Variants in TNXB observed in about 807,000 individuals in gnomAD.
TNXB encodes tenascin XB.
A neutral mutation model predicts 340.5 loss-of-function variants in TNXB; 183 were observed. That is an observed-to-expected ratio of 0.54 (90% confidence interval 0.48 to 0.61). The LOEUF is 0.61. Among genes scored for constraint, TNXB ranks in the 20% least tolerant of loss-of-function variants. The pLI is 0.00. For missense variants in TNXB, 4,613 were observed against 5,446.4 expected (o/e 0.85, Z 4.82); for synonymous variants, 2,121 against 2,314.5 (o/e 0.92, Z 2.40).
chr6:32,093,075 G>A, intron 4 of TNXB: 1 of 406,194 alleles, frequency 2.5e-6, no homozygotes. Context: ...GGAGACAACT[G>A]CTGCCCTAAA....
intron 1 of TNXB, among the ~76,000 whole-genome samples, chr6:32,107,397 C>T (rs1781036761): frequency 6.6e-6 from 1 of 152,160 alleles, no homozygotes. Context: ...CCTTCCCAAT[C>T]TCCCTCCCTG....
intron 1 of TNXB, among the ~76,000 whole-genome samples, chr6:32,100,637 G>T (rs1780668460): frequency 6.6e-6 from 1 of 151,544 alleles, no homozygotes. Context: ...GAGGTGGGAG[G>T]ATTACTTGAG....
chr6:32,068,287 G>T lies in TNXB; in HGVS notation c.6220+103C>A. On this transcript the variant is annotated intron_variant, in intron 17 of 43. Transcript: ENST00000644971. The surrounding 1 kb of genome is among the most constrained non-coding windows in gnomAD (Gnocchi z 5.3). ...CAGCCCCAGCCACAAGCAGGTCTGT[G>T]GTGCTGACCAGACCCTTGTCCCATT... 6.8e-7 allele frequency: 1 copy of T among 1,468,708 alleles called. No homozygotes were observed. 91.0% of individuals were successfully genotyped at this position (1,468,708 alleles called of 1,614,324 possible). A position where few individuals can be genotyped will look rare whatever the true frequency, so the allele number is the denominator to read the frequency against.
rs1253987016 is a variant in TNXB, at chr6:32,088,804, A to G, written c.2760T>C (p.Ala920=). The G allele has an allele frequency of 6.3e-7, 1 of 1,575,888 alleles. No homozygotes were observed. The highest frequency in any genetic ancestry group is 1.8e-5 in the Admixed American group (1 of 54,724). The change falls in exon 6 of 44, where the codon GCT becomes GCC. Residue 920 remains alanine, a synonymous_variant. Transcript: ENST00000644971. ...AERGRAVSYP[A]SVRANTGSSP... Reference sequence around the variant, plus strand: ...CCATACCTGTGTTGGCCCTGACAGAAGCTGGGTAGCTGACTGCCCGGCCCC... The same window carrying G: ...CCATACCTGTGTTGGCCCTGACAGAGGCTGGGTAGCTGACTGCCCGGCCCC...
In TNXB at chr6:32,072,065, G is replaced by C. The variant is rs780301586; in HGVS notation, c.4915C>G (p.Arg1639Gly). 1.2e-6 allele frequency: 2 copies of C among 1,612,734 alleles called. No individual in the cohort carries two copies. The highest frequency in any genetic ancestry group is 1.7e-6 in the Non-Finnish European group (2 of 1,179,390). ...CCAAAGAGCAGGAACTTGTACTTGC[G>C]GGAGGGTTCCAGGTCAGGGATAGTG... is the stretch of plus-strand genomic sequence containing the variant. Reference protein sequence around the residue: ...EVTIPDLEPSRKYKFLLFGIQ... With the variant: ...EVTIPDLEPSGKYKFLLFGIQ... The change falls in exon 13 of 44, where the codon CGC (arginine) becomes GGC (glycine). Residue 1639 changes from arginine (R) to glycine (G), a missense_variant. Physicochemically the swap from Arg to Gly is moderately radical, Grantham distance 125 (BLOSUM62 -2). This residue lies in a region of TNXB where 4,327 missense variants were observed against 4,859.4 expected (regional missense o/e 0.89). Transcript: ENST00000644971. The surrounding 1 kb of genome is among the most constrained non-coding windows in gnomAD (Gnocchi z 4.4).
intron 13 of TNXB, among the ~76,000 whole-genome samples, chr6:32,071,125 A>G (rs1455732822): frequency 1.3e-5 from 2 of 152,082 alleles, no homozygotes; most frequent in Non-Finnish European, 2.9e-5. Context: ...TTGTTATTGC[A>G]AGTTTTCTGG....
chr6:32,067,138 A>AGAAAGAAAGAAAGAAAG lies in TNXB; in HGVS notation c.6544+506_6544+522dup, dbSNP rs1778405363. Among the ~76,000 whole-genome samples the AGAAAGAAAGAAAGAAAG allele has an allele frequency of 1.7e-5, 2 of 115,938 alleles. No homozygotes were observed. Among genetic ancestry groups the AGAAAGAAAGAAAGAAAG allele is most frequent in the East Asian group, 2.8e-4 (1 of 3,582 alleles). The allele number at this position is 115,938 out of a possible 152,430, so 76.1% of individuals were successfully genotyped here. A position where few individuals can be genotyped will look rare whatever the true frequency, so the allele number is the denominator to read the frequency against. On this transcript the variant is annotated intron_variant, in intron 18 of 43. Coordinates refer to ENST00000644971, the MANE Select transcript of TNXB (RefSeq NM_001365276.2). The surrounding 1 kb of genome is among the most constrained non-coding windows in gnomAD (Gnocchi z 4.2). Reference sequence around the variant, plus strand: ...GAGAAAGAAAGAAAGGAAGGAAGAAAGAAAGAAAGAAAGAAAGAAAGAAAG... The same window carrying AGAAAGAAAGAAAGAAAG: ...GAGAAAGAAAGAAAGGAAGGAAGAAAGAAAGAAAGAAAGAAAGGAAAGAAAGAAAGAAAGAAAGAAAG...
At chr6:32,100,748 A>G (rs1007077380) in intron 1 of TNXB, among the ~76,000 whole-genome samples, 6 of 152,000 alleles carry the variant, frequency 3.9e-5, no homozygotes, top group Admixed American at 2.6e-4. Context: ...AAAGAAAAAA[A>G]CAAAACAAAA....
Position 32,096,930 on chromosome 6 carries a change from A to G in TNXB, c.923T>C (p.Val308Ala), listed in dbSNP as rs766555918. Residue 308 changes from valine to alanine, a missense_variant, in exon 3 of 44, where the codon GTG (valine) becomes GCG (alanine). This residue lies in a region of TNXB where 4,327 missense variants were observed against 4,859.4 expected (regional missense o/e 0.89). Coordinates refer to ENST00000644971, the MANE Select transcript of TNXB (RefSeq NM_001365276.2). Reference sequence around the variant, plus strand: ...GCTGCAGCCCCGAGGGCAGCTCCTCACCCCACAGTCCTCGCCAGTGTAGCC... The same window carrying G: ...GCTGCAGCCCCGAGGGCAGCTCCTCGCCCCACAGTCCTCGCCAGTGTAGCC... ...NPGYTGEDCG[V>A]RSCPRGCSQR... The G allele has an allele frequency of 6.4e-7, 1 of 1,565,194 alleles. No individual in the cohort carries two copies. The highest frequency in any genetic ancestry group is 1.1e-5 in the South Asian group (1 of 90,080).
chr6:32,097,754 C>A lies in TNXB; in HGVS notation c.403+42G>T. On this transcript the variant is annotated intron_variant, in intron 2 of 43. Transcript: ENST00000644971. The surrounding 1 kb of genome is among the most constrained non-coding windows in gnomAD (Gnocchi z 5.9). Reference sequence around the variant, plus strand: ...ACCTTTATGGACTAGCAATGCCCACCCCACCCCACCTCTCCACCCTCTTCT... The same window carrying A: ...ACCTTTATGGACTAGCAATGCCCACACCACCCCACCTCTCCACCCTCTTCT... The A allele has an allele frequency of 2.7e-6, 4 of 1,493,010 alleles. No individual in the cohort carries two copies. The South Asian group carries it at 4.3e-5, about 16-fold the overall frequency. 92.5% of individuals were successfully genotyped at this position (1,493,010 alleles called of 1,614,324 possible).
chr6:32,063,924 T>C (rs1160949354), intron 19 of TNXB, among the ~76,000 whole-genome samples: 1 of 152,224 alleles, frequency 6.6e-6, no homozygotes, highest in Non-Finnish European at 1.5e-5. Flanking sequence ...AGTAATAGTA[T>C]CCATGTTAAC....
rs772658593 is a variant in TNXB, at chr6:32,096,641, G to A, written c.1212C>T (p.Cys404=). The A allele has an allele frequency of 1.8e-5, 27 of 1,542,590 alleles. No homozygotes were observed. The highest frequency in any genetic ancestry group is 2.1e-5 in the Non-Finnish European group (24 of 1,149,084). Reference sequence around the variant, plus strand: ...GGCCCCTTTGGTTGCAGTCGCCAGGGCAGCTGCGCACGCCGCAGTCGTCCC... The same window carrying A: ...GGCCCCTTTGGTTGCAGTCGCCAGGACAGCTGCGCACGCCGCAGTCGTCCC... ...YSGDDCGVRS[C]PGDCNQRGRC... Residue 404 remains cysteine (C), a synonymous_variant, in exon 3 of 44, where the codon TGC becomes TGT. Transcript: ENST00000644971.
chr6:32,057,214 T>C (rs1322473242), intron 22 of TNXB, among the ~76,000 whole-genome samples: 2 of 151,824 alleles, frequency 1.3e-5, no homozygotes, highest in African/African-American at 4.8e-5. Flanking sequence ...AGCACTGGGG[T>C]CTCTTCGCCA....
At position 32,067,843 on chromosome 6, in the gene TNXB, C is replaced by T. The variant is rs778533848; in HGVS notation, c.6362G>A (p.Arg2121His). ...GTACTGCACGGTGAAGGAGTCGAAG[C>T]GGCCCTGGGGGACGGTCCAGGAGAG... ...LSLSWTVPQG[R>H]FDSFTVQYKD... Residue 2121 changes from arginine to histidine, a missense_variant, in exon 18 of 44, where the codon CGC (arginine) becomes CAC (histidine). Physicochemically the swap from Arg to His is conservative, Grantham distance 29. This residue lies in a region of TNXB where 4,327 missense variants were observed against 4,859.4 expected (regional missense o/e 0.89). Coordinates refer to ENST00000644971, the MANE Select transcript of TNXB (RefSeq NM_001365276.2). This position sits in a 1 kb window ranked among gnomAD's most constrained non-coding sequence, Gnocchi z 4.2. 4.2e-5 allele frequency: 67 copies of T among 1,612,856 alleles called. No individual in the cohort carries two copies. In the East Asian group the frequency reaches 1.2e-3, roughly 30 times the overall value.
chr6:32,066,663 A>G (rs1277725643), intron 18 of TNXB, among the ~76,000 whole-genome samples: 1 of 152,242 alleles, frequency 6.6e-6, no homozygotes, highest in East Asian at 1.9e-4. Flanking sequence ...AAGTTCTAAA[A>G]TTAGATCGTG....
rs1459539041 is a variant in TNXB at position 32,073,620 on chromosome 6, T to G, written c.4681+27A>C. 1 of 1,590,426 alleles carries G rather than the reference T, an allele frequency of 6.3e-7. No individual in the cohort carries two copies. On this transcript the variant is annotated intron_variant, in intron 12 of 43. Transcript: ENST00000644971. The surrounding 1 kb of genome is among the most constrained non-coding windows in gnomAD (Gnocchi z 4.6). ...TGGGGGAGCTCTGGGTAACCAGAGATGAGGACTGAGTCCCCCCATTACTCA... is the reference window on the plus strand; with the variant it reads ...TGGGGGAGCTCTGGGTAACCAGAGAGGAGGACTGAGTCCCCCCATTACTCA...
intron 21 of TNXB, among the ~76,000 whole-genome samples, chr6:32,060,473 A>C (rs1777942195): frequency 6.6e-6 from 1 of 152,022 alleles, no homozygotes; most frequent in Admixed American, 6.5e-5. Flanking sequence ...TTTGCCATTT[A>C]AGAAAATTTG....
rs1392594900 is a variant in TNXB, at chr6:32,049,113, G to GT, written c.9757+156dup. Among the ~76,000 whole-genome samples the GT allele has an allele frequency of 6.6e-6, 1 of 152,216 alleles. No homozygotes were observed. Among genetic ancestry groups the GT allele is most frequent in the African/African-American group, 2.4e-5 (1 of 41,458 alleles). ...CTACCTGCCCATCTGACTCCACACA[G>GT]TCTCCATGAATCCAAGGATGAGGCA... is the stretch of plus-strand genomic sequence containing the variant. On this transcript the variant is annotated intron_variant, in intron 28 of 43. Transcript: ENST00000644971. This position sits in a 1 kb window ranked among gnomAD's most constrained non-coding sequence, Gnocchi z 4.5.
Position 32,050,247 on chromosome 6 carries a change from C to A in TNXB, c.9190G>T (p.Gly3064Trp), listed in dbSNP as rs1244943633. The A allele has an allele frequency of 6.2e-7, 1 of 1,613,592 alleles. No homozygotes were observed. Among genetic ancestry groups the A allele is most frequent in the Non-Finnish European group, 8.5e-7 (1 of 1,179,854 alleles). The change falls in exon 27 of 44, where the codon GGG (glycine) becomes TGG (tryptophan). Residue 3064 changes from glycine to tryptophan, a missense_variant. By Grantham distance (184) the Gly-to-Trp change is radical (BLOSUM62 -2). Around this residue, in one of 7 missense-constraint regions of TNXB, gnomAD observed 4,327 missense variants for 4,859.4 expected, o/e 0.89. Coordinates refer to ENST00000644971, the MANE Select transcript of TNXB (RefSeq NM_001365276.2). ...GTGGCATCTGTCACGGTCAGCTCCC[C>A]CAGGCGAGGCTTGATGGGGGGCTCA... Reference protein sequence around the residue: ...TPEPPIKPRLGELTVTDATPD... With the variant: ...TPEPPIKPRLWELTVTDATPD...
Sources: allele counts gnomAD v4.1 joint callset (sites outside exome capture counted in the v4.1 genomes callset), GRCh38; gene constraint gnomAD v4.1.1; regional missense constraint gnomAD v4.1.1; non-coding constraint Gnocchi (gnomAD v3.1); transcripts MANE v1.5; gene names NCBI Gene and HGNC (gene_info 2026-07-23, HGNC 2026-07-21).